CSMD1: variants seen among roughly 807,000 people sequenced by gnomAD.
CSMD1 encodes the protein CUB and Sushi multiple domains 1.
Under a neutral mutation model 417.5 loss-of-function variants are expected in CSMD1, and 213 were observed. The ratio of observed to expected loss-of-function variants is 0.51; its 90% CI spans 0.46 to 0.57. CSMD1 has a LOEUF of 0.57. Among genes scored for constraint, CSMD1 ranks in the 20% least tolerant of loss-of-function variants. The pLI, the probability that CSMD1 is intolerant of heterozygous loss-of-function variation, is 0.00. For missense variants in CSMD1, 6,923 were observed against 4,529.7 expected (o/e 1.53, Z -15.17); for synonymous variants, 2,862 against 1,736.8 (o/e 1.65, Z -16.11).
At chr8:3,559,907 T>A (rs1299712465) in intron 10 of CSMD1, among the ~76,000 whole-genome samples, 2 of 152,046 alleles carry the variant, frequency 1.3e-5, no homozygotes, top group East Asian at 3.9e-4. Flanking sequence ...CAAAAGATAT[T>A]CAAGAGGTGA....
At chr8:3,286,598 T>C (rs982725031) in intron 25 of CSMD1, among the ~76,000 whole-genome samples, 3 of 151,880 alleles carry the variant, frequency 2.0e-5, no homozygotes, top group African/African-American at 7.2e-5. Context: ...CATTTTTTCA[T>C]ATGTTTTTTG....
intron 2 of CSMD1, among the ~76,000 whole-genome samples, chr8:4,505,556 A>C (rs1802477439): frequency 6.6e-6 from 1 of 152,208 alleles, no homozygotes; most frequent in Admixed American, 6.5e-5. Flanking sequence ...TACTATCAAA[A>C]TAATGCTATT....
At chr8:4,862,033 A>G (rs1015447740) in intron 1 of CSMD1, among the ~76,000 whole-genome samples, 1 of 152,050 alleles carries the variant, frequency 6.6e-6, no homozygotes, top group Admixed American at 6.5e-5. Flanking sequence ...AACAGGAGGG[A>G]TTGCGTTTTA....
chr8:4,032,008 G>A lies in CSMD1; in HGVS notation c.507C>T (p.Tyr169=), dbSNP rs767751876. ...TRFNIGDKIR[Y]SCLPGYILEG... is the part of the protein sequence containing the mutation. ...CCAAGATGTAGCCAGGGAGGCAGCT[G>A]TACCGGATTTTGTCTCCTATGTTGA... The change falls in exon 4 of 70, where the codon TAC becomes TAT. Residue 169 remains tyrosine (Y), a synonymous_variant. Coordinates refer to ENST00000635120, the MANE Select transcript of CSMD1 (RefSeq NM_033225.6). 4.3e-6 allele frequency: 7 copies of A among 1,613,868 alleles called. No homozygotes were observed. The highest frequency in any genetic ancestry group is 1.7e-4 in the Middle Eastern group (1 of 6,060).
intron 39 of CSMD1, among the ~76,000 whole-genome samples, chr8:3,156,188 C>A (rs1206153864): frequency 6.6e-6 from 1 of 152,170 alleles, no homozygotes; most frequent in African/African-American, 2.4e-5. Context: ...CCACTTTCTC[C>A]TAAAACACCA....
chr8:3,891,314 T>C (rs990504515), intron 5 of CSMD1, among the ~76,000 whole-genome samples: 1 of 152,096 alleles, frequency 6.6e-6, no homozygotes, highest in African/African-American at 2.4e-5. Flanking sequence ...CCTCCCAAAG[T>C]GCTGGGATTA....
chr8:4,283,162 C>A (rs1056519830), intron 3 of CSMD1, among the ~76,000 whole-genome samples: 1 of 152,076 alleles, frequency 6.6e-6, no homozygotes, highest in African/African-American at 2.4e-5. Context: ...TGTGAAGGTA[C>A]GTTGAGAGTC....
At chr8:3,583,601 C>G (rs1277870199) in intron 9 of CSMD1, among the ~76,000 whole-genome samples, 1 of 151,970 alleles carries the variant, frequency 6.6e-6, no homozygotes, top group Non-Finnish European at 1.5e-5. Flanking sequence ...GCTGCTGATA[C>G]TAAAACATGA....
chr8:4,497,124 T>G (rs947360871), intron 2 of CSMD1, among the ~76,000 whole-genome samples: 2 of 152,168 alleles, frequency 1.3e-5, no homozygotes. Flanking sequence ...AGACAGCTTG[T>G]CTATAGCCCT....
At chr8:4,476,016 C>G (rs1425889690) in intron 2 of CSMD1, among the ~76,000 whole-genome samples, 2 of 152,002 alleles carry the variant, frequency 1.3e-5, no homozygotes, top group African/African-American at 4.8e-5. Context: ...AATTAATCAG[C>G]AGACAAAAGC....
At chr8:3,923,921 A>G (rs1276895376) in intron 5 of CSMD1, among the ~76,000 whole-genome samples, 2 of 152,176 alleles carry the variant, frequency 1.3e-5, no homozygotes, top group Admixed American at 1.3e-4. Flanking sequence ...AAATTTCATA[A>G]AAGAGTTAGA....
At chr8:3,920,864 T>C (rs1809201252) in intron 5 of CSMD1, among the ~76,000 whole-genome samples, 1 of 152,304 alleles carries the variant, frequency 6.6e-6, no homozygotes, top group South Asian at 2.1e-4. Context: ...TGCTATTGAA[T>C]TCATTTTGCT....
In CSMD1 at chr8:3,253,221, A is replaced by G. The variant is rs900601757; in HGVS notation, c.4154-22990T>C. Among the ~76,000 whole-genome samples the G allele has an allele frequency of 7.9e-5, 12 of 151,804 alleles. No individual in the cohort carries two copies. The South Asian group carries it at 1.3e-3, about 16-fold the overall frequency. ...TTGTATGTGTCCCAGAGATTCTGGT[A>G]TGTTGTGTCTTTGCTCTCGTTGGTT... On this transcript the variant is annotated intron_variant, in intron 26 of 69. Transcript: ENST00000635120.
intron 3 of CSMD1, among the ~76,000 whole-genome samples, chr8:4,265,226 A>T (rs1316359715): frequency 6.6e-6 from 1 of 152,112 alleles, no homozygotes; most frequent in Non-Finnish European, 1.5e-5. Flanking sequence ...TTTAGTTACA[A>T]ATTGTATTCA....
At chr8:3,787,991 G>A (rs1466857641) in intron 5 of CSMD1, among the ~76,000 whole-genome samples, 1 of 152,196 alleles carries the variant, frequency 6.6e-6, no homozygotes, top group Non-Finnish European at 1.5e-5. Context: ...GGAGCTGTGA[G>A]TTTTAGACCA....
intron 6 of CSMD1, among the ~76,000 whole-genome samples, chr8:3,709,001 T>C (rs1801339442): frequency 6.6e-6 from 1 of 152,200 alleles, no homozygotes; most frequent in African/African-American, 2.4e-5. Flanking sequence ...CTCTACGTGC[T>C]GTAGATAAAG....
chr8:4,886,269 T>A (rs1198069289), intron 1 of CSMD1, among the ~76,000 whole-genome samples: 1 of 152,082 alleles, frequency 6.6e-6, no homozygotes, highest in East Asian at 1.9e-4. Flanking sequence ...GAATTTCTGA[T>A]CCGTTTTGAG....
At chr8:3,244,108 G>A (rs1799723309) in intron 26 of CSMD1, among the ~76,000 whole-genome samples, 1 of 152,162 alleles carries the variant, frequency 6.6e-6, no homozygotes, top group Admixed American at 6.5e-5. Flanking sequence ...ATCACAACGT[G>A]CGCATTACAT....
chr8:4,150,075 G>A (rs1184019264), intron 3 of CSMD1, among the ~76,000 whole-genome samples: 2 of 152,198 alleles, frequency 1.3e-5, no homozygotes, highest in African/African-American at 4.8e-5. Context: ...GTTAATGTAA[G>A]TAAAATGAAC....
Sources: gnomAD v4.1 joint callset for allele counts (sites outside exome capture counted in the v4.1 genomes callset) on GRCh38, gnomAD v4.1.1 for gene constraint, MANE v1.5 for transcripts, NCBI Gene and HGNC (gene_info 2026-07-23, HGNC 2026-07-21) for gene names.